Variants in NR5A2 observed in about 807,000 individuals in gnomAD.
The protein encoded by NR5A2 is CYP7A promoter-binding factor.
In NR5A2, 26 loss-of-function variants were observed where a neutral mutation model predicts 62.7. The observed-to-expected ratio is 0.41, with a 90% CI of 0.30 to 0.58. The LOEUF (loss-of-function observed/expected upper bound fraction) is 0.58, where lower values mean the gene tolerates loss of function less well. Ranked by LOEUF, NR5A2 falls within the 20% of genes least tolerant of loss-of-function variation. The pLI, the probability that NR5A2 is intolerant of heterozygous loss-of-function variation, is 0.22. For synonymous variants in NR5A2, 246 were observed against 241.7 expected (o/e 1.02, Z -0.16); for missense variants, 541 against 669.1 (o/e 0.81, Z 2.11).
rs949275116 is a variant in NR5A2, at chr1:200,039,760, A to T, written c.167A>T (p.His56Leu). The change falls in exon 2 of 8, where the codon CAT (histidine) becomes CTT (leucine). Residue 56 changes from histidine (H) to leucine (L), a missense_variant. Coordinates refer to ENST00000367362, the MANE Select transcript of NR5A2 (RefSeq NM_205860.3). This position sits in a 1 kb window ranked among gnomAD's most constrained non-coding sequence, Gnocchi z 5.1. ...ETEALGLARS[H>L]GEQGQMPENM... Reference sequence around the variant, plus strand: ...GAAGCCCTGGGACTGGCTCGATCGCATGGGGAACAGGGCCAGATGCCGGAA... The same window carrying T: ...GAAGCCCTGGGACTGGCTCGATCGCTTGGGGAACAGGGCCAGATGCCGGAA... 2 of 1,608,130 alleles carry T rather than the reference A, an allele frequency of 1.2e-6. No homozygotes were observed. The highest frequency in any genetic ancestry group is 8.5e-7 in the Non-Finnish European group (1 of 1,177,286).
intron 5 of NR5A2, among the ~76,000 whole-genome samples, chr1:200,099,313 G>C (rs1352528822): frequency 1.3e-5 from 2 of 150,076 alleles, no homozygotes; most frequent in African/African-American, 4.9e-5. Flanking sequence ...CAGCCAAAAA[G>C]GACCCAAGGA....
chr1:200,048,863 G>T lies in NR5A2; in HGVS notation c.1110+45G>T, dbSNP rs751508067. On this transcript the variant is annotated intron_variant, in intron 5 of 7. Transcript: ENST00000367362. The surrounding 1 kb of genome is among the most constrained non-coding windows in gnomAD (Gnocchi z 4.8). Reference sequence around the variant, plus strand: ...AACTTACAGCACCCCTTTTAAGAGAGACCTAACTATGTTCCTAATTAATAC... The same window carrying T: ...AACTTACAGCACCCCTTTTAAGAGATACCTAACTATGTTCCTAATTAATAC... 8 of 1,589,474 alleles carry T rather than the reference G, an allele frequency of 5.0e-6. No individual in the cohort carries two copies. In the Admixed American group the frequency reaches 1.0e-4, roughly 20 times the overall value.
intron 7 of NR5A2, among the ~76,000 whole-genome samples, chr1:200,127,950 T>G (rs977039898): frequency 6.6e-6 from 1 of 151,538 alleles, no homozygotes; most frequent in Admixed American, 6.6e-5. Flanking sequence ...ATTAGGACAG[T>G]CATCTGAAGA....
intron 5 of NR5A2, among the ~76,000 whole-genome samples, chr1:200,098,046 G>A (rs1319898794): frequency 6.6e-6 from 1 of 152,150 alleles, no homozygotes; most frequent in Non-Finnish European, 1.5e-5. Context: ...CAAAACTTGT[G>A]CCTTACAATG....
intron 1 of NR5A2, chr1:200,038,670 GC>G: frequency 7.4e-7 from 1 of 1,356,150 alleles, no homozygotes; most frequent in Non-Finnish European, 9.9e-7. Context: ...GCCCACCCGC[GC>G]CCCCATCCCT....
intron 5 of NR5A2, among the ~76,000 whole-genome samples, chr1:200,068,396 A>T (rs1200601790): frequency 6.6e-6 from 1 of 152,192 alleles, no homozygotes; most frequent in Non-Finnish European, 1.5e-5. Flanking sequence ...CCAATATTCC[A>T]ACAGGACTTA....
intron 5 of NR5A2, among the ~76,000 whole-genome samples, chr1:200,065,105 C>T (rs1479014681): frequency 6.6e-6 from 1 of 150,716 alleles, no homozygotes; most frequent in African/African-American, 2.4e-5. Flanking sequence ...TTCAGTATAA[C>T]ATTCTTTTTG....
At chr1:200,111,155 T>A (rs1272897687) in intron 5 of NR5A2, 47 bp from the exon 6 acceptor site, 2 of 1,597,208 alleles carry the variant, frequency 1.3e-6, no homozygotes, top group Non-Finnish European at 1.7e-6. Flanking sequence ...TGAATAACAG[T>A]GTCATTTTTT....
chr1:200,039,714 A>C lies in NR5A2; in HGVS notation c.121A>C (p.Met41Leu). The change falls in exon 2 of 8, where the codon ATG becomes CTG. Residue 41 changes from methionine (M) to leucine (L), a missense_variant. Met to Leu is a conservative substitution (Grantham distance 15). Around this residue, in one of 3 missense-constraint regions of NR5A2, gnomAD observed 108 missense variants for 103.3 expected, o/e 1.05. Coordinates refer to ENST00000367362, the MANE Select transcript of NR5A2 (RefSeq NM_205860.3). The surrounding 1 kb of genome is among the most constrained non-coding windows in gnomAD (Gnocchi z 5.1). ...CATCCCCGCCCGCGGTCGCCTTGTC[A>C]TGCTGCCCAAAGTGGAGACGGAAGC... ...SPIPARGRLV[M>L]LPKVETEALG... 1.9e-6 allele frequency: 3 copies of C among 1,611,840 alleles called. No homozygotes were observed. The highest frequency in any genetic ancestry group is 2.2e-5 in the South Asian group (2 of 90,998).
rs1327300656 is a variant in NR5A2 at position 200,039,158 on chromosome 1, T to G, written c.65-500T>G. 1.3e-5 allele frequency among the ~76,000 whole-genome samples: 2 copies of G among 151,214 alleles called. No homozygotes were observed. The highest frequency in any genetic ancestry group is 2.1e-4 in the South Asian group (1 of 4,778). On this transcript the variant is annotated intron_variant, in intron 1 of 7. Coordinates refer to ENST00000367362, the MANE Select transcript of NR5A2 (RefSeq NM_205860.3). The surrounding 1 kb of genome is among the most constrained non-coding windows in gnomAD (Gnocchi z 5.1). ...TGAGCAAGAGAGAGGCAGAGAGAGA[T>G]AGGGGGAAGGGGCGGAGAGGAGGGG...
At chr1:200,086,053 G>C (rs1487363296) in intron 5 of NR5A2, among the ~76,000 whole-genome samples, 5 of 152,092 alleles carry the variant, frequency 3.3e-5, no homozygotes, top group Admixed American at 2.0e-4. Flanking sequence ...GAGATGGGGG[G>C]TGGTGTTTTT....
intron 7 of NR5A2, among the ~76,000 whole-genome samples, chr1:200,127,909 A>G (rs1180352922): frequency 6.6e-6 from 1 of 150,830 alleles, no homozygotes; most frequent in African/African-American, 2.4e-5. Context: ...CTATTTATTT[A>G]TTTATTTATT....
At chr1:200,136,321 C>T (rs748656421) in intron 7 of NR5A2, among the ~76,000 whole-genome samples, 2 of 151,946 alleles carry the variant, frequency 1.3e-5, no homozygotes, top group East Asian at 1.9e-4. Flanking sequence ...TGGGTTCGGG[C>T]GATTTGAACA....
intron 1 of NR5A2, among the ~76,000 whole-genome samples, chr1:200,034,334 G>T (rs1351411124): frequency 6.6e-6 from 1 of 152,080 alleles, no homozygotes; most frequent in Non-Finnish European, 1.5e-5. Flanking sequence ...GGAAGAGATA[G>T]ATTAGACCAC....
In NR5A2 at chr1:200,102,880, C is replaced by T. The variant is rs1252272978; in HGVS notation, c.1111-8322C>T. Among the ~76,000 whole-genome samples, 5 of 152,132 alleles carry T rather than the reference C, an allele frequency of 3.3e-5. 1 individual carries two copies. Among genetic ancestry groups the T allele is most frequent in the Admixed American group, 6.5e-5 (1 of 15,288 alleles). ...ATCAGGGAAGACTTCCTGAAGGAGG[C>T]GCCTTTTAGAATGGTTTCTCAATGC... On this transcript the variant is annotated intron_variant, in intron 5 of 7. Transcript: ENST00000367362.
At chr1:200,094,824 G>A (rs1019786541) in intron 5 of NR5A2, among the ~76,000 whole-genome samples, 3 of 152,068 alleles carry the variant, frequency 2.0e-5, no homozygotes, top group Middle Eastern at 3.4e-3. Context: ...GAGCCACCGC[G>A]CCTGGCCAAA....
intron 5 of NR5A2, among the ~76,000 whole-genome samples, chr1:200,083,821 C>A (rs897928472): frequency 1.3e-5 from 2 of 151,698 alleles, no homozygotes; most frequent in Non-Finnish European, 2.9e-5. Flanking sequence ...CAACATTAGC[C>A]GGGCATGGTG....
At chr1:200,078,306 C>A (rs188717693) in intron 5 of NR5A2, among the ~76,000 whole-genome samples, 1 of 152,266 alleles carries the variant, frequency 6.6e-6, no homozygotes, top group East Asian at 1.9e-4. Context: ...ACCTACATCC[C>A]AGCTACCTTG....
At chr1:200,145,034 G>A (rs1352984113) in intron 7 of NR5A2, among the ~76,000 whole-genome samples, 11 of 152,148 alleles carry the variant, frequency 7.2e-5, no homozygotes, top group African/African-American at 1.2e-4. Context: ...AGAACTGGGC[G>A]GGCGCAGTGG....
Sources: gnomAD v4.1 joint callset for allele counts (sites outside exome capture counted in the v4.1 genomes callset) on GRCh38, gnomAD v4.1.1 for gene constraint, gnomAD v4.1.1 regional missense constraint, Gnocchi (gnomAD v3.1) non-coding constraint, MANE v1.5 for transcripts, NCBI Gene and HGNC (gene_info 2026-07-23, HGNC 2026-07-21) for gene names.